Variants in GALNT13 observed in about 807,000 individuals in gnomAD.
GALNT13 encodes the protein UDP-GalNAc:polypeptide N-acetylgalactosaminyltransferase 13.
GALNT13 carries 28 observed loss-of-function variants against 64.2 expected under a neutral mutation model. The ratio of observed to expected loss-of-function variants is 0.44; its 90% CI spans 0.32 to 0.60. GALNT13 has a LOEUF of 0.60. Ranked by LOEUF, GALNT13 falls within the 20% of genes least tolerant of loss-of-function variation. The pLI, the probability that GALNT13 is intolerant of heterozygous loss-of-function variation, is 0.05. For missense variants in GALNT13, 577 were observed against 669.8 expected, an observed-to-expected ratio of 0.86 and a Z score of 1.53; for synonymous variants, 214 against 224.6, an observed-to-expected ratio of 0.95 and a Z score of 0.42.
the GALNT13 span, among the ~76,000 whole-genome samples, chr2:153,634,950 C>G: frequency 6.6e-6 from 1 of 151,918 alleles, no homozygotes; most frequent in African/African-American, 2.4e-5. Flanking sequence ...CTCTGGGAGG[C>G]AGGCATCTTG....
At chr2:153,771,215 G>T in the GALNT13 span, among the ~76,000 whole-genome samples, 10 of 152,102 alleles carry the variant, frequency 6.6e-5, no homozygotes, top group Non-Finnish European at 1.3e-4. Flanking sequence ...TAATCTGGTT[G>T]GGGGGCAGAT....
chr2:153,500,333 G>A, the GALNT13 span, among the ~76,000 whole-genome samples: 2 of 152,078 alleles, frequency 1.3e-5, no homozygotes, highest in African/African-American at 2.4e-5. Flanking sequence ...GAAACAAGAG[G>A]GTAAGGACAG....
At chr2:153,135,322 C>T in the GALNT13 span, among the ~76,000 whole-genome samples, 18 of 152,082 alleles carry the variant, frequency 1.2e-4, no homozygotes, top group Admixed American at 5.2e-4. Flanking sequence ...ATCTGGGTGT[C>T]GGGGTGGCAC....
chr2:153,322,722 A>G, the GALNT13 span, among the ~76,000 whole-genome samples: 1 of 151,328 alleles, frequency 6.6e-6, no homozygotes, highest in South Asian at 2.1e-4. Flanking sequence ...TCATTGTTCA[A>G]CTCCCACTTA....
the GALNT13 span, among the ~76,000 whole-genome samples, chr2:153,325,129 T>TG: frequency 6.8e-6 from 1 of 146,646 alleles, no homozygotes; most frequent in East Asian, 2.0e-4. Context: ...TTTTTTTTTT[T>TG]TTTTTTTTTT....
At chr2:153,511,163 T>G in the GALNT13 span, among the ~76,000 whole-genome samples, 1 of 152,038 alleles carries the variant, frequency 6.6e-6, no homozygotes, top group East Asian at 1.9e-4. Flanking sequence ...ATAGGAGCTA[T>G]TAAAGTACAT....
At chr2:153,240,266 C>T in the GALNT13 span, among the ~76,000 whole-genome samples, 2 of 151,896 alleles carry the variant, frequency 1.3e-5, no homozygotes, top group Non-Finnish European at 2.9e-5. Flanking sequence ...TTTAAATCAA[C>T]TTTTTAGACT....
chr2:153,746,173 G>A, the GALNT13 span, among the ~76,000 whole-genome samples: 6 of 152,094 alleles, frequency 3.9e-5, no homozygotes, highest in African/African-American at 1.4e-4. Flanking sequence ...TATCACAAGT[G>A]TACAGCTCAA....
chr2:154,450,824 G>C lies in GALNT13; in HGVS notation c.*273G>C, dbSNP rs707080. On this transcript the variant is annotated 3_prime_UTR_variant, in exon 13 of 13. Coordinates refer to ENST00000392825, the MANE Select transcript of GALNT13 (RefSeq NM_052917.4). The stretch of plus-strand genomic sequence containing the variant: ...AAATTGTGTTTGCTTTAAGAAAAAT[G>C]TTTATTGCACTCATGTCATAGGGTT... The C allele has an allele frequency of 0.99, 297,420 of 299,818 alleles. 147,568 individuals carry two copies. The highest frequency in any genetic ancestry group is 1 in the East Asian group (16,712 of 16,712). 18.6% of individuals were successfully genotyped at this position (299,818 alleles called of 1,614,324 possible). A position where few individuals can be genotyped will look rare whatever the true frequency, so the allele number is the denominator to read the frequency against.
chr2:154,340,656 A>G (rs1036962828), intron 9 of GALNT13, among the ~76,000 whole-genome samples: 1 of 152,144 alleles, frequency 6.6e-6, no homozygotes, highest in Non-Finnish European at 1.5e-5. Context: ...TAGATTCAGA[A>G]CTAGTCCCAC....
chr2:154,153,486 G>T lies in GALNT13; in HGVS notation c.311+12981G>T, dbSNP rs546413017. ...CTGTCAGACAGGGACATTTAAGTCT[G>T]CAGAGTTTACTGGTGTCTTTTTGTT... On this transcript the variant is annotated intron_variant, in intron 4 of 12. Coordinates refer to ENST00000392825, the MANE Select transcript of GALNT13 (RefSeq NM_052917.4). Among the ~76,000 whole-genome samples the T allele has an allele frequency of 3.2e-4, 48 of 152,350 alleles. 1 individual carries two copies. The highest frequency in any genetic ancestry group is 1.1e-3 in the African/African-American group (46 of 41,580).
At chr2:153,871,285 CTG>C (rs1305315731), upstream of GALNT13, among the ~76,000 whole-genome samples, 5 of 152,202 alleles carry the variant, frequency 3.3e-5, no homozygotes, top group Non-Finnish European at 7.3e-5. Context: ...AGGAAGCGCT[CTG>C]TGTTTCCAGT....
chr2:154,008,391 C>A (rs1024196496), intron 3 of GALNT13, among the ~76,000 whole-genome samples: 4 of 152,070 alleles, frequency 2.6e-5, no homozygotes, highest in South Asian at 2.1e-4. Flanking sequence ...CTTGTGCTAA[C>A]AATTTCTCTC....
chr2:153,244,351 T>G, the GALNT13 span, among the ~76,000 whole-genome samples: 1 of 152,232 alleles, frequency 6.6e-6, no homozygotes, highest in Non-Finnish European at 1.5e-5. Flanking sequence ...ATTGTGTTTC[T>G]GAAGAGGGGC....
At chr2:153,078,689 A>AC in the GALNT13 span, among the ~76,000 whole-genome samples, 7 of 151,788 alleles carry the variant, frequency 4.6e-5, no homozygotes, top group Non-Finnish European at 8.8e-5. Context: ...GAAGGGAGGA[A>AC]TTTTTTTTAC....
chr2:153,533,191 T>C, the GALNT13 span, among the ~76,000 whole-genome samples: 2 of 152,206 alleles, frequency 1.3e-5, no homozygotes, highest in East Asian at 3.8e-4. Context: ...GAAAGGGGTA[T>C]AATGATAGGC....
At chr2:153,327,843 C>T in the GALNT13 span, among the ~76,000 whole-genome samples, 2,232 of 151,830 alleles carry the variant, frequency 0.015, 62 homozygotes, top group African/African-American at 0.051. Context: ...CTTGCTGGCT[C>T]GGAGTTGTGA....
chr2:154,119,901 C>G (rs1681833688), intron 3 of GALNT13, among the ~76,000 whole-genome samples: 1 of 152,076 alleles, frequency 6.6e-6, no homozygotes, highest in African/African-American at 2.4e-5. Flanking sequence ...ATTATTGTGA[C>G]TTCTTTTTCA....
intron 2 of GALNT13, among the ~76,000 whole-genome samples, chr2:153,902,822 C>A (rs1013812343): frequency 6.6e-6 from 1 of 152,050 alleles, no homozygotes; most frequent in Non-Finnish European, 1.5e-5. Context: ...AGAGAGGCAT[C>A]ATTTAAGCAA....
Sources: gnomAD v4.1 joint callset for allele counts (sites outside exome capture counted in the v4.1 genomes callset) on GRCh38, gnomAD v4.1.1 for gene constraint, MANE v1.5 for transcripts, NCBI Gene and HGNC (gene_info 2026-07-23, HGNC 2026-07-21) for gene names.